BICC1: variants seen among roughly 807,000 people sequenced by gnomAD.
BICC1 encodes the protein BicC family RNA binding protein 1.
A neutral mutation model predicts 111.0 loss-of-function variants in BICC1; 43 were observed. The observed-to-expected ratio is 0.39, with a 90% CI of 0.30 to 0.50. BICC1 has a LOEUF of 0.50. Among genes scored for constraint, BICC1 ranks in the 20% least tolerant of loss-of-function variants. The pLI, the probability that BICC1 is intolerant of heterozygous loss-of-function variation, is 0.88. For missense variants in BICC1, 1,091 were observed against 1,203.2 expected (o/e 0.91, Z 1.38); for synonymous variants, 467 against 434.4 (o/e 1.07, Z -0.93).
chr10:58,654,864 G>A (rs1046125955), intron 2 of BICC1, among the ~76,000 whole-genome samples: 2 of 127,324 alleles, frequency 1.6e-5, no homozygotes, highest in South Asian at 6.2e-4. Flanking sequence ...TTTGTATAAG[G>A]TGTAAGGAAG....
At chr10:58,624,449 T>C (rs1357473594) in intron 2 of BICC1, among the ~76,000 whole-genome samples, 1 of 152,248 alleles carries the variant, frequency 6.6e-6, no homozygotes, top group Admixed American at 6.5e-5. Context: ...TGATACTCAG[T>C]CTGATCTATA....
chr10:58,701,908 CT>C (rs1186353395), intron 2 of BICC1, among the ~76,000 whole-genome samples, 165 bp from the exon 3 acceptor site: 1 of 151,002 alleles, frequency 6.6e-6, no homozygotes, highest in African/African-American at 2.4e-5. Context: ...AAAAACATCT[CT>C]TTTCCCCCCA....
chr10:58,695,175 A>G (rs964752212), intron 2 of BICC1, among the ~76,000 whole-genome samples: 3 of 152,330 alleles, frequency 2.0e-5, no homozygotes, highest in African/African-American at 4.8e-5. Context: ...CTTGGACTAC[A>G]ATGAAATATA....
chr10:58,787,276 C>T (rs1843037683), intron 5 of BICC1, among the ~76,000 whole-genome samples, 195 bp downstream of exon 5: 1 of 152,026 alleles, frequency 6.6e-6, no homozygotes, highest in South Asian at 2.1e-4. Flanking sequence ...TGTAGATGGG[C>T]CCTAAACTCT....
intron 9 of BICC1, among the ~76,000 whole-genome samples, chr10:58,794,165 TTGTG>T (rs71006206): frequency 0.11 from 14,562 of 138,142 alleles, 957 homozygotes; most frequent in African/African-American, 0.21. Flanking sequence ...CTTACATGTT[TTGTG>T]TGTGTGTGTG....
chr10:58,550,067 G>T (rs1843255156), intron 1 of BICC1, among the ~76,000 whole-genome samples: 1 of 151,970 alleles, frequency 6.6e-6, no homozygotes. Context: ...CTTGACTGGG[G>T]TGCAGTAGCA....
chr10:58,741,060 A>G (rs1841646399), intron 3 of BICC1, among the ~76,000 whole-genome samples: 1 of 152,190 alleles, frequency 6.6e-6, no homozygotes, highest in Non-Finnish European at 1.5e-5. Flanking sequence ...TTTGGGACCA[A>G]ATTGAGACGG....
chr10:58,820,265 G>T (rs1844215337), intron 19 of BICC1, 104 bp from the exon 20 acceptor site: 2 of 696,832 alleles, frequency 2.9e-6, no homozygotes, highest in South Asian at 3.6e-5. Flanking sequence ...CTGGAAGTAG[G>T]CAGAGCATAA....
chr10:58,718,593 A>G (rs976834861), intron 3 of BICC1, among the ~76,000 whole-genome samples: 3 of 152,164 alleles, frequency 2.0e-5, no homozygotes, highest in Non-Finnish European at 4.4e-5. Context: ...TAATTTCTAT[A>G]TCAAACTAGA....
At chr10:58,672,444 T>C (rs1490520696) in intron 2 of BICC1, among the ~76,000 whole-genome samples, 2 of 152,196 alleles carry the variant, frequency 1.3e-5, no homozygotes, top group Non-Finnish European at 2.9e-5. Flanking sequence ...CTCCCTGGCA[T>C]GTTTTGTGTT....
intron 1 of BICC1, among the ~76,000 whole-genome samples, chr10:58,523,472 A>G (rs947578150): frequency 2.0e-5 from 3 of 152,262 alleles, no homozygotes; most frequent in Admixed American, 2.0e-4. Flanking sequence ...ATCTCAATAG[A>G]TGCAGAAAAG....
At chr10:58,621,929 T>C (rs559932995) in intron 2 of BICC1, among the ~76,000 whole-genome samples, 31,180 of 70,942 alleles carry the variant, frequency 0.44, 8,937 homozygotes, top group African/African-American at 0.51. Context: ...TAGAATAGAA[T>C]AGAATAGAAT....
chr10:58,699,552 C>G (rs994479140), intron 2 of BICC1, among the ~76,000 whole-genome samples: 1 of 152,226 alleles, frequency 6.6e-6, no homozygotes, highest in African/African-American at 2.4e-5. Context: ...TTATCTATTA[C>G]AGTATCATAA....
At chr10:58,769,557 TTAATA>T (rs1842566160) in intron 3 of BICC1, among the ~76,000 whole-genome samples, 1 of 151,534 alleles carries the variant, frequency 6.6e-6, no homozygotes, top group African/African-American at 2.4e-5. Context: ...TGTCCCATTA[TTAATA>T]TAAGTACCAT....
At chr10:58,646,220 T>G (rs1419923537) in intron 2 of BICC1, among the ~76,000 whole-genome samples, 1 of 152,218 alleles carries the variant, frequency 6.6e-6, no homozygotes, top group African/African-American at 2.4e-5. Context: ...AAATGCAGAC[T>G]AATTTTGAAG....
At chr10:58,552,295 CTG>C (rs934191642) in intron 1 of BICC1, among the ~76,000 whole-genome samples, 7 of 151,916 alleles carry the variant, frequency 4.6e-5, no homozygotes, top group African/African-American at 1.4e-4. Context: ...TATTTTCAAA[CTG>C]TAATTACATT....
At chr10:58,767,453 A>G (rs757329147) in intron 3 of BICC1, among the ~76,000 whole-genome samples, 1 of 152,162 alleles carries the variant, frequency 6.6e-6, no homozygotes, top group Non-Finnish European at 1.5e-5. Context: ...AAAGCTAGTC[A>G]GTAAAGACTG....
At chr10:58,722,525 T>C (rs1170511620) in intron 3 of BICC1, among the ~76,000 whole-genome samples, 1 of 152,200 alleles carries the variant, frequency 6.6e-6, no homozygotes, top group Non-Finnish European at 1.5e-5. Flanking sequence ...TAATAAAACA[T>C]TTGAATTCTT....
chr10:58,797,367 T>C (rs895012119), intron 10 of BICC1, among the ~76,000 whole-genome samples: 2 of 152,146 alleles, frequency 1.3e-5, no homozygotes, highest in Non-Finnish European at 2.9e-5. Flanking sequence ...GTCTTTAAAA[T>C]TTTTTTTCCA....
Sources: allele counts gnomAD v4.1 joint callset (sites outside exome capture counted in the v4.1 genomes callset), GRCh38; gene constraint gnomAD v4.1.1; transcripts MANE v1.5; gene names NCBI Gene and HGNC (gene_info 2026-07-23, HGNC 2026-07-21).